The following ASIC5 variants were observed in gnomAD, a reference collection of about 807,000 sequenced individuals.
ASIC5 encodes acid sensing ion channel subunit family member 5.
A neutral mutation model predicts 51.2 loss-of-function variants in ASIC5; 52 were observed. That is an observed-to-expected ratio of 1.02 (90% confidence interval 0.81 to 1.28). ASIC5 has a LOEUF of 1.28. Among genes scored for constraint, ASIC5 ranks in the 50% most tolerant of loss-of-function variants. The pLI is 0.00. For synonymous variants in ASIC5, 231 were observed against 200.7 expected, an observed-to-expected ratio of 1.15 and a Z score of -1.28; for missense variants, 635 against 595.0, an observed-to-expected ratio of 1.07 and a Z score of -0.70.
Position 155,848,657 on chromosome 4 carries a change from T to C in ASIC5, c.711+3534A>G, listed in dbSNP as rs147585037. ...AATTGTGCTCATGTTTTGGTCCTCT[T>C]TAGAAGGTGTTTTTATAATCAGCTA... On this transcript the variant is annotated intron_variant, in intron 4 of 9. Transcript: ENST00000537611. Among the ~76,000 whole-genome samples the C allele has an allele frequency of 4.0e-3, 604 of 152,154 alleles. 2 individuals are homozygous for C. Among genetic ancestry groups the C allele is most frequent in the African/African-American group, 0.013 (560 of 41,528 alleles).
rs376166099 is a variant in ASIC5, at chr4:155,836,772, G to C, written c.1152C>G (p.Ala384=). The change falls in exon 8 of 10, where the codon GCC becomes GCG. Residue 384 remains alanine, a synonymous_variant. Transcript: ENST00000537611. ...TTGGAAAAGAGGAATAAGAAATAGT[G>C]GCCGGGTATTCTATTTCTTCACAAG... ...PVSCEEIEYP[A]TISYSSFPSQ... 9 of 1,603,472 alleles carry C rather than the reference G, an allele frequency of 5.6e-6. No homozygotes were observed. The highest frequency in any genetic ancestry group is 7.7e-6 in the Non-Finnish European group (9 of 1,170,648).
chr4:155,836,786 T>A lies in ASIC5; in HGVS notation c.1138A>T (p.Ile380Leu). The A allele has an allele frequency of 6.2e-7, 1 of 1,607,648 alleles. No homozygotes were observed. The highest frequency in any genetic ancestry group is 8.5e-7 in the Non-Finnish European group (1 of 1,174,196). ...NSSCPVSCEEIEYPATISYSS... is the reference protein window; with the variant it reads ...NSSCPVSCEELEYPATISYSS... ...TAAGAAATAGTGGCCGGGTATTCTA[T>A]TTCTTCACAAGAAACGGGGCAGCTA... Residue 380 changes from isoleucine to leucine, a missense_variant, in exon 8 of 10, where the codon ATA (isoleucine) becomes TTA (leucine). By Grantham distance (5) the Ile-to-Leu change is conservative. Coordinates refer to ENST00000537611, the MANE Select transcript of ASIC5 (RefSeq NM_017419.3).
At chr4:155,834,468 G>A (rs1740934342) in intron 8 of ASIC5, among the ~76,000 whole-genome samples, 1 of 152,028 alleles carries the variant, frequency 6.6e-6, no homozygotes, top group Non-Finnish European at 1.5e-5. Flanking sequence ...TCTCTGTGTG[G>A]GAGTTGAACA....
chr4:155,832,204 G>A (rs1021080397), intron 8 of ASIC5, among the ~76,000 whole-genome samples: 2 of 152,172 alleles, frequency 1.3e-5, no homozygotes, highest in South Asian at 2.1e-4. Flanking sequence ...ACATCTAAAT[G>A]TGTGTTTGAT....
At chr4:155,831,113 G>A (rs1196994684) in intron 9 of ASIC5, among the ~76,000 whole-genome samples, 2 of 152,194 alleles carry the variant, frequency 1.3e-5, no homozygotes, top group Non-Finnish European at 2.9e-5. Flanking sequence ...AGGCAAGTGA[G>A]CAGGCAGTGG....
intron 8 of ASIC5, among the ~76,000 whole-genome samples, chr4:155,836,357 G>A (rs1740979566): frequency 6.6e-6 from 1 of 152,166 alleles, no homozygotes; most frequent in Admixed American, 6.5e-5. Flanking sequence ...GACTCAAAGT[G>A]TATAATGTAC....
chr4:155,837,774 G>A (rs886389446), intron 7 of ASIC5, among the ~76,000 whole-genome samples: 4 of 151,664 alleles, frequency 2.6e-5, no homozygotes, highest in Non-Finnish European at 5.9e-5. Context: ...TACACACATA[G>A]GCTCACATGC....
intron 4 of ASIC5, among the ~76,000 whole-genome samples, chr4:155,846,446 T>C (rs1741243719): frequency 6.6e-6 from 1 of 152,130 alleles, no homozygotes; most frequent in South Asian, 2.1e-4. Flanking sequence ...TAATTTCTAA[T>C]CTTGTGGCTT....
intron 2 of ASIC5, chr4:155,858,919 T>C (rs1251093876): frequency 6.6e-6 from 1 of 152,100 alleles, no homozygotes; most frequent in Non-Finnish European, 1.5e-5. Context: ...GGATGACTTC[T>C]AGTTCTATAT....
At chr4:155,837,765 A>G (rs1047639044) in intron 7 of ASIC5, among the ~76,000 whole-genome samples, 1 of 151,930 alleles carries the variant, frequency 6.6e-6, no homozygotes, top group African/African-American at 2.4e-5. Flanking sequence ...ACACTCCCAT[A>G]CACACATAGG....
intron 2 of ASIC5, among the ~76,000 whole-genome samples, chr4:155,861,682 A>G (rs1741710266): frequency 6.6e-6 from 1 of 152,072 alleles, no homozygotes; most frequent in South Asian, 2.1e-4. Flanking sequence ...CATTAGTAAT[A>G]TAGTTAGATT....
chr4:155,844,119 C>T (rs946950119), intron 4 of ASIC5, among the ~76,000 whole-genome samples: 3 of 151,892 alleles, frequency 2.0e-5, no homozygotes, highest in African/African-American at 2.4e-5. Flanking sequence ...GTCTGGTAAC[C>T]ACAAAGGGAT....
At chr4:155,830,813 TA>T (rs1346636327) in intron 9 of ASIC5, among the ~76,000 whole-genome samples, 2 of 152,202 alleles carry the variant, frequency 1.3e-5, no homozygotes, top group Non-Finnish European at 2.9e-5. Context: ...TGAATCTGAT[TA>T]CTCCAGCAGT....
Position 155,829,922 on chromosome 4 carries a change from TTCAGATA to T in ASIC5, c.1445_1451del (p.Ile482LysfsTer2). On this transcript the variant is annotated frameshift_variant, in exon 10 of 10. Transcript: ENST00000537611. LOFTEE classifies it low-confidence loss of function (END_TRUNC). ...GAGGTGGAGGAGTCCACTGGGTCAT[TTCAGATA>T]TCTTCAGCAAAAAGAAAATGCATAT... 6.2e-7 allele frequency: 1 copy of T among 1,607,738 alleles called. No homozygotes were observed. The highest frequency in any genetic ancestry group is 2.2e-5 in the East Asian group (1 of 44,554).
chr4:155,859,389 A>G (rs1217228208), intron 2 of ASIC5, among the ~76,000 whole-genome samples: 1 of 152,002 alleles, frequency 6.6e-6, no homozygotes, highest in African/African-American at 2.4e-5. Flanking sequence ...ATTTTGTCAT[A>G]TAGAGGAGGG....
intron 4 of ASIC5, among the ~76,000 whole-genome samples, chr4:155,848,008 G>T (rs575159295): frequency 4.8e-4 from 73 of 152,034 alleles, no homozygotes; most frequent in Non-Finnish European, 4.9e-4. Flanking sequence ...GTTATAAAAG[G>T]CTTATGGAAG....
chr4:155,856,655 G>A (rs1741548901), intron 2 of ASIC5, among the ~76,000 whole-genome samples: 1 of 152,014 alleles, frequency 6.6e-6, no homozygotes, highest in Non-Finnish European at 1.5e-5. Context: ...GGATCATTAA[G>A]GAATTAAGAG....
intron 3 of ASIC5, among the ~76,000 whole-genome samples, 155 bp from the exon 4 acceptor site, chr4:155,852,471 G>T (rs1233081326): frequency 6.8e-6 from 1 of 147,718 alleles, no homozygotes. Flanking sequence ...TTCAGTGATA[G>T]TTTTTTTTTT....
At chr4:155,851,156 T>C (rs910462152) in intron 4 of ASIC5, among the ~76,000 whole-genome samples, 2 of 152,032 alleles carry the variant, frequency 1.3e-5, no homozygotes, top group African/African-American at 4.8e-5. Flanking sequence ...CTAAAAATAT[T>C]TGGAAAATTC....
Sources: allele counts gnomAD v4.1 joint callset (sites outside exome capture counted in the v4.1 genomes callset), GRCh38; gene constraint gnomAD v4.1.1; transcripts MANE v1.5; gene names NCBI Gene and HGNC (gene_info 2026-07-23, HGNC 2026-07-21).